Variants in GTPBP4 observed in about 807,000 individuals in gnomAD.
GTPBP4 encodes GTP-binding protein 4.
A neutral mutation model predicts 81.7 loss-of-function variants in GTPBP4; 15 were observed. The ratio of observed to expected loss-of-function variants is 0.18; its 90% CI spans 0.12 to 0.28. The LOEUF (loss-of-function observed/expected upper bound fraction) is 0.28, where lower values mean the gene tolerates loss of function less well. Among genes scored for constraint, GTPBP4 ranks in the 10% least tolerant of loss-of-function variants. The pLI is 1.00. For synonymous variants in GTPBP4, 272 were observed against 274.6 expected (o/e 0.99, Z 0.09); for missense variants, 847 against 793.8 (o/e 1.07, Z -0.81).
intron 8 of GTPBP4, 23 bp from the exon 9 acceptor site, chr10:1,005,795 T>G (rs1213100796): frequency 6.8e-6 from 9 of 1,327,450 alleles, no homozygotes; most frequent in Non-Finnish European, 9.8e-6. Flanking sequence ...AATACATCTC[T>G]CGTTTTTTCT....
chr10:999,244 G>A (rs554846318), intron 6 of GTPBP4, 149 bp downstream of exon 6: 220 of 604,054 alleles, frequency 3.6e-4, no homozygotes, highest in African/African-American at 2.6e-3. Flanking sequence ...TCAGCCTTTC[G>A]AGTAGCAGGG....
At chr10:1,000,399 A>G (rs1831605106) in intron 6 of GTPBP4, among the ~76,000 whole-genome samples, 4 of 151,244 alleles carry the variant, frequency 2.6e-5, no homozygotes, top group South Asian at 2.1e-4. Context: ...CACCACGCCC[A>G]GCTAATTTTT....
At chr10:995,868 A>G in intron 2 of GTPBP4, 61 bp from the exon 3 acceptor site, 1 of 920,150 alleles carries the variant, frequency 1.1e-6, no homozygotes, top group Non-Finnish European at 1.8e-6. Context: ...TTGTTCTTCA[A>G]GTGGTAGGGA....
At chr10:989,506 C>T (rs936796580) in intron 1 of GTPBP4, among the ~76,000 whole-genome samples, 31 of 152,174 alleles carry the variant, frequency 2.0e-4, no homozygotes, top group South Asian at 2.1e-4. Flanking sequence ...CAACTGGAGC[C>T]TCCCAGGGAC....
In GTPBP4 at chr10:1,009,046, G is replaced by A. The variant is rs763937416; in HGVS notation, c.1191+11G>A. On this transcript the variant is annotated intron_variant, in intron 11 of 16. Coordinates refer to ENST00000360803, the MANE Select transcript of GTPBP4 (RefSeq NM_012341.3). Reference sequence around the variant, plus strand: ...TCCAGGAAGAAGAGGGTATGCTGCCGAAGCTCTCGCCCAGTGTTCTCATGG... The same window carrying A: ...TCCAGGAAGAAGAGGGTATGCTGCCAAAGCTCTCGCCCAGTGTTCTCATGG... 1.5e-5 allele frequency: 24 copies of A among 1,593,414 alleles called. No individual in the cohort carries two copies. The highest frequency in any genetic ancestry group is 1.5e-4 in the African/African-American group (11 of 74,520).
chr10:996,507 A>T, intron 4 of GTPBP4: 1 of 280,016 alleles, frequency 3.6e-6, no homozygotes, highest in Non-Finnish European at 6.5e-6. Flanking sequence ...AATACTGAAA[A>T]GTATAAAAAC....
intron 10 of GTPBP4, chr10:1,008,363 C>A (rs1831788448): frequency 2.7e-6 from 1 of 364,932 alleles, no homozygotes; most frequent in Non-Finnish European, 5.4e-6. Flanking sequence ...CGAGATCACT[C>A]CACTGTACTC....
Position 996,224 on chromosome 10 carries a change from T to C in GTPBP4, c.442T>C (p.Leu148=), listed in dbSNP as rs367579264. ...AGTGATCAAGAGGCAGAAGCAGAGT[T>C]TGGAGTATTTGGAGCAAGGTGCTTG... ...CTVIKRQKQS[L]EYLEQVRQHL... is the part of the protein sequence containing the mutation. The change falls in exon 4 of 17, where the codon TTG becomes CTG. Residue 148 remains leucine, a synonymous_variant. Coordinates refer to ENST00000360803, the MANE Select transcript of GTPBP4 (RefSeq NM_012341.3). The C allele has an allele frequency of 1.9e-6, 3 of 1,612,982 alleles. No individual in the cohort carries two copies. The highest frequency in any genetic ancestry group is 2.5e-6 in the Non-Finnish European group (3 of 1,179,470).
At position 1,015,893 on chromosome 10, in the gene GTPBP4, C is replaced by T. The variant is rs374475469; in HGVS notation, c.1749C>T (p.Val583=). Residue 583 remains valine, a synonymous_variant, in exon 16 of 17, where the codon GTC becomes GTT. Coordinates refer to ENST00000360803, the MANE Select transcript of GTPBP4 (RefSeq NM_012341.3). ...TPRDVSGLRD[V]KMVKKAKTMM... is the part of the protein sequence containing the mutation. ...GTGACGTTTCTGGTCTTAGGGATGT[C>T]AAGGTCAGTCTCTGTGTTGTGTAAT... The T allele has an allele frequency of 6.2e-7, 1 of 1,611,090 alleles. No homozygotes were observed. Among genetic ancestry groups the T allele is most frequent in the South Asian group, 1.1e-5 (1 of 90,778 alleles).
rs1589022201 is a variant in GTPBP4 at position 992,484 on chromosome 10, T to G, written c.49-5T>G. ...GTAATTATGTTTTATTTTCTTTAAT[T>G]GCAGGACTTCATAGACCTCACGTTG... On this transcript the variant is annotated splice_polypyrimidine_tract_variant and splice_region_variant and intron_variant, in intron 1 of 16. Transcript: ENST00000360803. The G allele has an allele frequency of 6.4e-7, 1 of 1,566,406 alleles. No individual in the cohort carries two copies. The highest frequency in any genetic ancestry group is 1.7e-4 in the Middle Eastern group (1 of 5,834).
intron 14 of GTPBP4, among the ~76,000 whole-genome samples, chr10:1,013,059 C>T (rs1201826777): frequency 6.6e-6 from 1 of 152,096 alleles, no homozygotes; most frequent in African/African-American, 2.4e-5. Context: ...TCTTGGCTCA[C>T]TGCAGCCTCC....
Position 1,017,906 on chromosome 10 carries a change from A to G in GTPBP4, c.*679A>G, listed in dbSNP as rs1333441822. On this transcript the variant is annotated 3_prime_UTR_variant, in exon 17 of 17. Transcript: ENST00000360803. ...AGTTACATGTTCAGTAAAACACAAA[A>G]ACACCGCCAATGCCACCTCAAAAGC... 1 of 152,174 alleles carries G rather than the reference A, an allele frequency of 6.6e-6. No homozygotes were observed. Among genetic ancestry groups the G allele is most frequent in the Non-Finnish European group, 1.5e-5 (1 of 68,034 alleles). The allele number at this position is 152,174 out of a possible 1,614,324, so 9.4% of individuals were successfully genotyped here. A position where few individuals can be genotyped will look rare whatever the true frequency, so the allele number is the denominator to read the frequency against.
At chr10:1,002,401 G>A (rs962175373) in intron 8 of GTPBP4, among the ~76,000 whole-genome samples, 1 of 152,108 alleles carries the variant, frequency 6.6e-6, no homozygotes, top group African/African-American at 2.4e-5. Flanking sequence ...TAGAAGTATA[G>A]CTATTCCTAC....
chr10:1,014,917 A>G (rs183128576), intron 15 of GTPBP4, among the ~76,000 whole-genome samples: 12 of 151,414 alleles, frequency 7.9e-5, no homozygotes, highest in Admixed American at 6.6e-4. Context: ...AGACAGCACC[A>G]TGACGTGCCC....
intron 13 of GTPBP4, 107 bp from the exon 14 acceptor site, chr10:1,012,358 C>T: frequency 1.3e-6 from 1 of 744,334 alleles, no homozygotes; most frequent in Non-Finnish European, 2.2e-6. Context: ...GGCAATCGCT[C>T]TCCTCTGAGT....
In GTPBP4 at chr10:1,012,771, C is replaced by T. The variant is rs983939544; in HGVS notation, c.1542+109C>T. The stretch of plus-strand genomic sequence containing the variant: ...CAACCCATTTATGGCCATAAGATTG[C>T]ACATTCTTGTTTTATTGGTGTATGG... On this transcript the variant is annotated intron_variant, in intron 14 of 16. Transcript: ENST00000360803. 22 of 699,640 alleles carry T rather than the reference C, an allele frequency of 3.1e-5. 1 individual carries two copies. Among genetic ancestry groups the T allele is most frequent in the East Asian group, 8.2e-5 (3 of 36,502 alleles). 43.3% of individuals were successfully genotyped at this position (699,640 alleles called of 1,614,324 possible). A position where few individuals can be genotyped will look rare whatever the true frequency, so the allele number is the denominator to read the frequency against.
chr10:1,006,838 G>A (rs1156402390), intron 9 of GTPBP4, among the ~76,000 whole-genome samples, 180 bp from the exon 10 acceptor site: 1 of 152,176 alleles, frequency 6.6e-6, no homozygotes, highest in East Asian at 1.9e-4. Flanking sequence ...CCCAGGCACT[G>A]GAGATGCACC....
Position 1,000,817 on chromosome 10 carries a change from GA to G in GTPBP4, c.796del (p.Arg266GlyfsTer4). ...TGTCTGAGCAGTGTGGGCATGGGCT[GA>G]GGGAGCAGCTAGAACTCTTCCAGAA... ...DLSEQCGHGLREQLELFQNIR... is the reference protein window; with the variant it reads ...DLSEQCGHGLXEQLELFQNIR... On this transcript the variant is annotated frameshift_variant, in exon 7 of 17. Transcript: ENST00000360803. LOFTEE classifies it high-confidence loss of function. 6.2e-7 allele frequency: 1 copy of G among 1,611,320 alleles called. No individual in the cohort carries two copies. Among genetic ancestry groups the G allele is most frequent in the Non-Finnish European group, 8.5e-7 (1 of 1,178,438 alleles).
chr10:1,009,178 C>T lies in GTPBP4; in HGVS notation c.1191+143C>T, dbSNP rs1016951425. Reference sequence around the variant, plus strand: ...AGGCTGCGGACACAGCAGTGAGTCCCCCTGCAGAAGCCTCTCTCATGGGGC... The same window carrying T: ...AGGCTGCGGACACAGCAGTGAGTCCTCCTGCAGAAGCCTCTCTCATGGGGC... On this transcript the variant is annotated intron_variant, in intron 11 of 16. Transcript: ENST00000360803. 76 of 637,508 alleles carry T rather than the reference C, an allele frequency of 1.2e-4. No individual in the cohort carries two copies. The African/African-American group carries it at 1.3e-3, about 11-fold the overall frequency. The allele number at this position is 637,508 out of a possible 1,614,324, so 39.5% of individuals were successfully genotyped here.
Sources: allele counts gnomAD v4.1 joint callset (sites outside exome capture counted in the v4.1 genomes callset), GRCh38; gene constraint gnomAD v4.1.1; transcripts MANE v1.5; gene names NCBI Gene and HGNC (gene_info 2026-07-23, HGNC 2026-07-21).